The following ZMYM3 variants were observed in gnomAD, a reference collection of about 807,000 sequenced individuals.
ZMYM3 encodes the protein zinc finger MYM-type containing 3.
A neutral mutation model predicts 94.2 loss-of-function variants in ZMYM3; 6 were observed. The ratio of observed to expected loss-of-function variants is 0.06; its 90% CI spans 0.03 to 0.13. The LOEUF is 0.13. Ranked by LOEUF, ZMYM3 falls within the 10% of genes least tolerant of loss-of-function variation. The pLI is 1.00. For synonymous variants in ZMYM3, 420 were observed against 426.5 expected (o/e 0.98, Z 0.19); for missense variants, 664 against 1,132.6 (o/e 0.59, Z 5.94).
chrX:71,244,573 T>C (rs1053420306), intron 19 of ZMYM3, 103 bp from the exon 20 acceptor site: 1 of 985,557 alleles, frequency 1.0e-6, no homozygotes, highest in African/African-American at 1.9e-5. Context: ...GGGGCTGATG[T>C]AAGCACACAG....
chrX:71,245,367 C>A lies in ZMYM3; in HGVS notation c.2979G>T (p.Gly993=), dbSNP rs1802821832. 10 of 1,211,585 alleles carry A rather than the reference C, an allele frequency of 8.3e-6. No individual in the cohort carries two copies. The highest frequency in any genetic ancestry group is 1.0e-5 in the Non-Finnish European group (9 of 895,449). ...VKMANVLDEP[G]QDLEADFPKN... is the part of the protein sequence containing the mutation. ...TAGGGAAGTCTGCCTCCAAGTCTTG[C>A]CCAGGCTCATCCAAGACATTGGCCA... The change falls in exon 18 of 25, where the codon GGG becomes GGT. Residue 993 remains glycine, a synonymous_variant. Transcript: ENST00000314425.
Position 71,243,689 on chromosome X carries a change from G to A in ZMYM3, c.3432+140C>T, listed in dbSNP as rs1193836374. ...CAGGCTGGTCTCAAACTCCTGGCTT[G>A]AAGCGATCCTCCTGCCTCAGCCTCC... On this transcript the variant is annotated intron_variant, in intron 21 of 24. Coordinates refer to ENST00000314425, the MANE Select transcript of ZMYM3 (RefSeq NM_201599.3). 8.7e-6 allele frequency: 7 copies of A among 803,041 alleles called. No individual in the cohort carries two copies. The East Asian group carries it at 2.0e-4, about 22-fold the overall frequency. 66.2% of individuals were successfully genotyped at this position (803,041 alleles called of 1,213,427 possible). A position where few individuals can be genotyped will look rare whatever the true frequency, so the allele number is the denominator to read the frequency against.
intron 7 of ZMYM3, 43 bp from the exon 8 acceptor site, chrX:71,249,212 T>A: frequency 8.3e-7 from 1 of 1,199,653 alleles, no homozygotes; most frequent in Non-Finnish European, 1.1e-6. Context: ...GATTTGTCCC[T>A]TCACTTTTAT....
rs1302580485 is a variant in ZMYM3, at chrX:71,248,996, AGAG to A, written c.1621+20_1621+22del. 8.3e-7 allele frequency: 1 copy of A among 1,209,962 alleles called. No individual in the cohort carries two copies. The highest frequency in any genetic ancestry group is 2.2e-5 in the Admixed American group (1 of 45,917). Reference sequence around the variant, plus strand: ...TAGAGAGAAGGCCAGCAGGGGACTCAGAGAAGAGGGCTTTGCACCTACCAGTGA... The same window carrying A: ...TAGAGAGAAGGCCAGCAGGGGACTCAAAGAGGGCTTTGCACCTACCAGTGA... On this transcript the variant is annotated intron_variant, in intron 8 of 24. Transcript: ENST00000314425.
At chrX:71,247,196 G>A (rs766607172) in intron 13 of ZMYM3, 149 bp downstream of exon 13, 4 of 507,550 alleles carry the variant, frequency 7.9e-6, no homozygotes, top group Admixed American at 4.3e-5. Context: ...TGCAGGGTTC[G>A]GAAGCTAAAA....
At chrX:71,253,424 A>C in intron 1 of ZMYM3, 150 bp from the exon 2 acceptor site, 4 of 453,342 alleles carry the variant, frequency 8.8e-6, no homozygotes, top group Non-Finnish European at 6.8e-6. Context: ...CGAAGGCTTT[A>C]GTCCTAATGA....
intron 1 of ZMYM3, among the ~76,000 whole-genome samples, chrX:71,253,564 C>A (rs1332417958): frequency 1.3e-5 from 1 of 74,753 alleles, no homozygotes; most frequent in African/African-American, 5.1e-5. Context: ...CCATTCCCTT[C>A]CCCCCTTACC....
intron 13 of ZMYM3, among the ~76,000 whole-genome samples, chrX:71,247,125 T>C (rs1270742252): frequency 1.8e-5 from 2 of 111,689 alleles, no homozygotes; most frequent in African/African-American, 3.3e-5. Flanking sequence ...ACAATATATA[T>C]TTCATAGACA....
Position 71,250,062 on chromosome X carries a change from G to A in ZMYM3, c.1215C>T (p.Asp405=), listed in dbSNP as rs751455760. 2.8e-5 allele frequency: 33 copies of A among 1,195,630 alleles called. No homozygotes were observed. The highest frequency in any genetic ancestry group is 3.5e-5 in the Non-Finnish European group (31 of 888,956). ...RPIPQSGDPA[D]ATRCSICQKT... ...TCTGGCATATGCTGCAGCGAGTAGC[G>A]TCGGCGGGATCCCCAGACTGGGGGA... The change falls in exon 6 of 25, where the codon GAC becomes GAT. Residue 405 remains aspartate, a synonymous_variant. Coordinates refer to ENST00000314425, the MANE Select transcript of ZMYM3 (RefSeq NM_201599.3).
chrX:71,252,950 G>A lies in ZMYM3; in HGVS notation c.306C>T (p.Thr102=). The change falls in exon 2 of 25, where the codon ACC becomes ACT. Residue 102 remains threonine, a synonymous_variant. Transcript: ENST00000314425. The part of the protein sequence containing the change: ...PPEVDHGPEG[T]LAWDAGDQTL... The stretch of plus-strand genomic sequence containing the variant: ...TCTGATCTCCTGCATCCCATGCCAG[G>A]GTTCCCTCAGGACCGTGGTCCACCT... The A allele has an allele frequency of 2.5e-6, 3 of 1,211,671 alleles. No individual in the cohort carries two copies. The highest frequency in any genetic ancestry group is 3.4e-6 in the Non-Finnish European group (3 of 895,420).
chrX:71,249,011 G>C lies in ZMYM3; in HGVS notation c.1621+8C>G, dbSNP rs745451535. On this transcript the variant is annotated splice_region_variant and intron_variant, in intron 8 of 24. Coordinates refer to ENST00000314425, the MANE Select transcript of ZMYM3 (RefSeq NM_201599.3). ...CAGGGGACTCAGAGAAGAGGGCTTT[G>C]CACCTACCAGTGAGCCCTGCCTGCT... The C allele has an allele frequency of 1.7e-6, 2 of 1,209,264 alleles. No homozygotes were observed. Among genetic ancestry groups the C allele is most frequent in the African/African-American group, 1.8e-5 (1 of 56,963 alleles).
At chrX:71,247,671 TA>T (rs918947321) in intron 12 of ZMYM3, 62 bp downstream of exon 12, 24 of 1,170,571 alleles carry the variant, frequency 2.1e-5, no homozygotes, top group Non-Finnish European at 2.4e-5. Context: ...CCGAGCTCAG[TA>T]CCACAGCCCG....
At chrX:71,247,313 C>A in intron 13 of ZMYM3, 32 bp downstream of exon 13, 1 of 1,161,435 alleles carries the variant, frequency 8.6e-7, no homozygotes, top group Non-Finnish European at 1.2e-6. Flanking sequence ...CAGGCTCCCT[C>A]TAACAGAGTG....
At chrX:71,249,272 AGAT>A in intron 7 of ZMYM3, 103 bp from the exon 8 acceptor site, 2 of 1,172,579 alleles carry the variant, frequency 1.7e-6, no homozygotes, top group Non-Finnish European at 2.3e-6. Flanking sequence ...AAAAAAGTAT[AGAT>A]GATGATGTAA....
chrX:71,252,837 A>G lies in ZMYM3; in HGVS notation c.419T>C (p.Leu140Pro). The G allele has an allele frequency of 1.7e-6, 2 of 1,211,049 alleles. No individual in the cohort carries two copies. Among genetic ancestry groups the G allele is most frequent in the Non-Finnish European group, 2.2e-6 (2 of 895,039 alleles). Residue 140 changes from leucine to proline, a missense_variant, in exon 2 of 25, where the codon CTA becomes CCA. Physicochemically the swap from Leu to Pro is moderately conservative, Grantham distance 98 (BLOSUM62 -3). Transcript: ENST00000314425. ...AGAATCTGGAGCCAAAGGCTCTAGT[A>G]GCCCCTCAGGTGAACAGGAATTTGC... ...AGANSCSPEGLLEPLAPDSPI... is the reference protein window; with the variant it reads ...AGANSCSPEGPLEPLAPDSPI...
intron 23 of ZMYM3, 111 bp from the exon 24 acceptor site, chrX:71,241,455 C>T: frequency 1.8e-6 from 1 of 568,197 alleles, no homozygotes; most frequent in South Asian, 4.2e-5. Flanking sequence ...AAATTACAGT[C>T]TCATCAAGAT....
intron 23 of ZMYM3, 100 bp from the exon 24 acceptor site, chrX:71,241,444 C>A: frequency 1.6e-6 from 1 of 610,265 alleles, no homozygotes; most frequent in Admixed American, 4.0e-5. Flanking sequence ...CGTCACGACA[C>A]AAATTACAGT....
chrX:71,244,945 C>A, intron 18 of ZMYM3, 52 bp from the exon 19 acceptor site: 1 of 1,022,434 alleles, frequency 9.8e-7, no homozygotes. Context: ...CTCAACCCTG[C>A]AGCCCTCCTG....
chrX:71,253,586 G>C (rs2030613604), intron 1 of ZMYM3, among the ~76,000 whole-genome samples: 1 of 67,148 alleles, frequency 1.5e-5, no homozygotes, highest in Non-Finnish European at 2.6e-5. Context: ...TTTACCCCCC[G>C]CAACTCAGGC....
Sources: allele counts gnomAD v4.1 joint callset (sites outside exome capture counted in the v4.1 genomes callset), GRCh38; gene constraint gnomAD v4.1.1; transcripts MANE v1.5; gene names NCBI Gene and HGNC (gene_info 2026-07-23, HGNC 2026-07-21).